Variants in CTNNA2 observed in about 807,000 individuals in gnomAD.
CTNNA2 encodes the protein catenin alpha-2.
A neutral mutation model predicts 101.0 loss-of-function variants in CTNNA2; 42 were observed. The observed-to-expected ratio is 0.42, with a 90% CI of 0.32 to 0.54. The LOEUF is 0.54. Ranked by LOEUF, CTNNA2 falls within the 20% of genes least tolerant of loss-of-function variation. The probability of loss-of-function intolerance (pLI) is 0.14; values close to 1 mark genes in which losing one functional copy is unlikely to be tolerated. For synonymous variants in CTNNA2, 450 were observed against 456.4 expected, an observed-to-expected ratio of 0.99 and a Z score of 0.18; for missense variants, 871 against 1,223.1, an observed-to-expected ratio of 0.71 and a Z score of 4.29.
chr2:80,333,640 G>T (rs764274331), intron 7 of CTNNA2, among the ~76,000 whole-genome samples: 1 of 152,144 alleles, frequency 6.6e-6, no homozygotes, highest in Admixed American at 6.5e-5. Flanking sequence ...TTTTCTGGGG[G>T]AGGTGGTGGG....
chr2:80,194,152 A>G (rs961408), intron 7 of CTNNA2, among the ~76,000 whole-genome samples: 31,622 of 152,032 alleles, frequency 0.21, 4,741 homozygotes, highest in African/African-American at 0.42. Flanking sequence ...GCCAATTGCC[A>G]TTTCTCACCG....
chr2:80,245,228 C>T (rs1671230936), intron 7 of CTNNA2, among the ~76,000 whole-genome samples: 1 of 152,172 alleles, frequency 6.6e-6, no homozygotes, highest in African/African-American at 2.4e-5. Context: ...TTGTTCTTTG[C>T]AAATTCTTTG....
rs796937438 is a variant in CTNNA2 at position 80,606,414 on chromosome 2, C to CCA, written c.2296-1769_2296-1768insAC. ...CACACACACACACACACACACACACCCCCCAGGATACATTTATTTTGAGAT... is the reference window on the plus strand; with the variant it reads ...CACACACACACACACACACACACACCCACCCCAGGATACATTTATTTTGAGAT... On this transcript the variant is annotated intron_variant, in intron 16 of 18. Transcript: ENST00000402739. Among the ~76,000 whole-genome samples the CCA allele has an allele frequency of 7.2e-3, 369 of 51,602 alleles. 1 individual carries two copies. Among genetic ancestry groups the CCA allele is most frequent in the South Asian group, 0.037 (107 of 2,918 alleles). The allele number at this position is 51,602 out of a possible 152,430, so 33.9% of individuals were successfully genotyped here.
At chr2:79,470,122 GTT>G (rs1670981927) in intron 4 of CTNNA2, among the ~76,000 whole-genome samples, 1 of 152,036 alleles carries the variant, frequency 6.6e-6, no homozygotes, top group African/African-American at 2.4e-5. Flanking sequence ...ATTAAAGAAA[GTT>G]TTAAAAATGG....
chr2:79,441,158 A>G (rs927477262), intron 4 of CTNNA2, among the ~76,000 whole-genome samples: 5 of 152,150 alleles, frequency 3.3e-5, no homozygotes, highest in African/African-American at 1.2e-4. Context: ...AACTGAACTA[A>G]TTTAAATACA....
chr2:80,499,827 A>G (rs184786717), intron 9 of CTNNA2, among the ~76,000 whole-genome samples: 214 of 152,250 alleles, frequency 1.4e-3, no homozygotes, highest in African/African-American at 4.8e-3. Flanking sequence ...TCTCAAAAGA[A>G]TAAAAAATAA....
chr2:79,745,141 CT>C lies in CTNNA2; in HGVS notation c.298+560del, dbSNP rs746276920. On this transcript the variant is annotated intron_variant, in intron 3 of 18. Coordinates refer to ENST00000402739, the MANE Select transcript of CTNNA2 (RefSeq NM_001282597.3). Reference sequence around the variant, plus strand: ...TGTATAAAATATACAACATAAAGTTCTAACTACGGCCGGGTGCGGTGGCTCA... The same window carrying C: ...TGTATAAAATATACAACATAAAGTTCAACTACGGCCGGGTGCGGTGGCTCA... Among the ~76,000 whole-genome samples, 139 of 152,016 alleles carry C rather than the reference CT, an allele frequency of 9.1e-4. 1 individual carries two copies. The highest frequency in any genetic ancestry group is 2.5e-4 in the Non-Finnish European group (17 of 67,968).
intron 7 of CTNNA2, among the ~76,000 whole-genome samples, chr2:80,204,570 T>C (rs1707413085): frequency 6.6e-6 from 1 of 152,182 alleles, no homozygotes; most frequent in South Asian, 2.1e-4. Flanking sequence ...GTCTGGACCT[T>C]ATTTTTTATA....
intron 2 of CTNNA2, among the ~76,000 whole-genome samples, chr2:79,712,251 G>T (rs1430404830): frequency 6.6e-6 from 1 of 152,244 alleles, no homozygotes; most frequent in East Asian, 1.9e-4. Context: ...AGAGTCAAAA[G>T]ATTTATGTTC....
At chr2:79,882,340 T>G (rs149107894) in intron 6 of CTNNA2, among the ~76,000 whole-genome samples, 1,588 of 152,314 alleles carry the variant, frequency 0.01, 22 homozygotes, top group African/African-American at 0.035. Flanking sequence ...CCACAGACAC[T>G]GTGGCCACCC....
chr2:79,863,588 A>G (rs1366717417), intron 4 of CTNNA2, among the ~76,000 whole-genome samples: 2 of 152,196 alleles, frequency 1.3e-5, no homozygotes, highest in African/African-American at 4.8e-5. Context: ...TAAACAGGGA[A>G]CATTTAAATA....
At chr2:80,075,572 A>ATTTT (rs1294610660) in intron 7 of CTNNA2, among the ~76,000 whole-genome samples, 4 of 133,924 alleles carry the variant, frequency 3.0e-5, no homozygotes, top group Non-Finnish European at 6.3e-5. Context: ...AATATTATAA[A>ATTTT]ATAATATTTA....
chr2:80,638,559 T>A (rs1455848184), intron 18 of CTNNA2, among the ~76,000 whole-genome samples: 1 of 152,172 alleles, frequency 6.6e-6, no homozygotes, highest in Non-Finnish European at 1.5e-5. Flanking sequence ...GGCCAACCTG[T>A]CAGTACTCCC....
At chr2:80,421,619 T>G (rs1238023900) in intron 9 of CTNNA2, among the ~76,000 whole-genome samples, 1 of 152,160 alleles carries the variant, frequency 6.6e-6, no homozygotes, top group South Asian at 2.1e-4. Flanking sequence ...TTAGATTACT[T>G]GCAGCTCCAC....
At chr2:80,485,192 A>G (rs1293434219) in intron 9 of CTNNA2, among the ~76,000 whole-genome samples, 1 of 152,140 alleles carries the variant, frequency 6.6e-6, no homozygotes, top group Non-Finnish European at 1.5e-5. Context: ...TCCACTGTCA[A>G]ACTAACTTCT....
chr2:79,285,416 C>G (rs1005535490), intron 2 of CTNNA2, among the ~76,000 whole-genome samples: 2 of 148,936 alleles, frequency 1.3e-5, no homozygotes, highest in African/African-American at 5.0e-5. Flanking sequence ...CCTCTACACA[C>G]TGCTTTGAAT....
chr2:80,280,912 A>G (rs895162564), intron 7 of CTNNA2, among the ~76,000 whole-genome samples: 17 of 152,138 alleles, frequency 1.1e-4, no homozygotes, highest in African/African-American at 4.1e-4. Context: ...GGGTCTTAGA[A>G]TATACTCCTG....
rs534328557 is a variant in CTNNA2 at position 80,309,475 on chromosome 2, G to A, written c.1057-83736G>A. Among the ~76,000 whole-genome samples, 4 of 152,162 alleles carry A rather than the reference G, an allele frequency of 2.6e-5. No individual in the cohort carries two copies. In the South Asian group the frequency reaches 8.3e-4, roughly 32 times the overall value. On this transcript the variant is annotated intron_variant, in intron 7 of 18. Coordinates refer to ENST00000402739, the MANE Select transcript of CTNNA2 (RefSeq NM_001282597.3). ...TAATGATAGTATTTTAAAACTGAAA[G>A]GGACATTAAACATCTTGGAGATAAA... is the stretch of plus-strand genomic sequence containing the variant.
chr2:80,116,532 A>C (rs1000767864), intron 7 of CTNNA2, among the ~76,000 whole-genome samples: 2 of 152,116 alleles, frequency 1.3e-5, no homozygotes, highest in Non-Finnish European at 2.9e-5. Context: ...GTACATGTGT[A>C]TGTGTGTGTT....
Sources: allele counts gnomAD v4.1 joint callset (sites outside exome capture counted in the v4.1 genomes callset), GRCh38; gene constraint gnomAD v4.1.1; transcripts MANE v1.5; gene names NCBI Gene and HGNC (gene_info 2026-07-23, HGNC 2026-07-21).